PPP3CA: variants seen among roughly 807,000 people sequenced by gnomAD.
PPP3CA encodes CAM-PRP catalytic subunit.
Under a neutral mutation model 66.5 loss-of-function variants are expected in PPP3CA, and 14 were observed. The ratio of observed to expected loss-of-function variants is 0.21; its 90% CI spans 0.14 to 0.33. PPP3CA has a LOEUF of 0.33. Ranked by LOEUF, PPP3CA falls within the 10% of genes least tolerant of loss-of-function variation. The probability of loss-of-function intolerance (pLI) is 1.00; values close to 1 mark genes in which losing one functional copy is unlikely to be tolerated. For synonymous variants in PPP3CA, 232 were observed against 226.2 expected (o/e 1.03, Z -0.23); for missense variants, 317 against 639.5 (o/e 0.50, Z 5.44).
At chr4:101,331,069 G>A (rs569342671) in intron 1 of PPP3CA, among the ~76,000 whole-genome samples, 2 of 152,168 alleles carry the variant, frequency 1.3e-5, no homozygotes, top group South Asian at 4.1e-4. Flanking sequence ...ATGATTTCCA[G>A]GAGCAATGAT....
At chr4:101,154,526 T>C (rs1056014552) in intron 2 of PPP3CA, among the ~76,000 whole-genome samples, 1 of 152,204 alleles carries the variant, frequency 6.6e-6, no homozygotes, top group South Asian at 2.1e-4. Context: ...TTCCAACACA[T>C]CTAAAAATTA....
Position 101,106,437 on chromosome 4 carries a change from GAAA to G in PPP3CA, c.384+2514_384+2516del, listed in dbSNP as rs1560604935. On this transcript the variant is annotated intron_variant, in intron 3 of 13. Transcript: ENST00000394854. ...AGAAAGAAAGAAAGAAAGAAAGAAA[GAAA>G]GAAAGAAAGAAAGAGAAAAGAAAAG... is the stretch of plus-strand genomic sequence containing the variant. Among the ~76,000 whole-genome samples, 54 of 12,144 alleles carry G rather than the reference GAAA, an allele frequency of 4.4e-3. 8 individuals carry two copies. Among genetic ancestry groups the G allele is most frequent in the African/African-American group, 0.014 (54 of 3,776 alleles). 8.0% of individuals were successfully genotyped at this position (12,144 alleles called of 152,430 possible). A position where few individuals can be genotyped will look rare whatever the true frequency, so the allele number is the denominator to read the frequency against.
chr4:101,116,462 GAGAA>G (rs1721840329), intron 2 of PPP3CA, among the ~76,000 whole-genome samples: 1 of 151,840 alleles, frequency 6.6e-6, no homozygotes, highest in South Asian at 2.1e-4. Flanking sequence ...CAATTTTGCA[GAGAA>G]AGATTTTGTT....
intron 1 of PPP3CA, among the ~76,000 whole-genome samples, chr4:101,285,506 C>T (rs1727813185): frequency 6.6e-6 from 1 of 151,898 alleles, no homozygotes; most frequent in African/African-American, 2.4e-5. Flanking sequence ...TTGCACAAGC[C>T]GGTGTCCCAC....
chr4:101,093,077 C>T lies in PPP3CA; in HGVS notation c.782+699G>A, dbSNP rs372875674. Among the ~76,000 whole-genome samples the T allele has an allele frequency of 3.9e-5, 6 of 152,134 alleles. No homozygotes were observed. The East Asian group carries it at 5.8e-4, about 15-fold the overall frequency. The stretch of plus-strand genomic sequence containing the variant: ...AACTAATTTACACTCCCACCAACAG[C>T]GTAAAAGCGTTCCTATTTCTCCACA... On this transcript the variant is annotated intron_variant, in intron 6 of 13. Coordinates refer to ENST00000394854, the MANE Select transcript of PPP3CA (RefSeq NM_000944.5).
chr4:101,160,969 C>T (rs1438171010), intron 2 of PPP3CA, among the ~76,000 whole-genome samples: 2 of 152,040 alleles, frequency 1.3e-5, no homozygotes, highest in Admixed American at 6.6e-5. Context: ...AATACAGTCA[C>T]GTACTGCATA....
chr4:101,322,877 G>A (rs1452534167), intron 1 of PPP3CA, among the ~76,000 whole-genome samples: 1 of 152,026 alleles, frequency 6.6e-6, no homozygotes, highest in Admixed American at 6.5e-5. Context: ...TCACAATTTT[G>A]AAGAGACATA....
intron 6 of PPP3CA, among the ~76,000 whole-genome samples, chr4:101,090,641 C>CAA (rs1218660976): frequency 2.1e-3 from 140 of 65,436 alleles, no homozygotes; most frequent in East Asian, 3.4e-3. Flanking sequence ...GACTCTGTCT[C>CAA]AAAAAAAAAA....
chr4:101,142,133 G>A (rs1016315875), intron 2 of PPP3CA, among the ~76,000 whole-genome samples: 3 of 151,464 alleles, frequency 2.0e-5, no homozygotes, highest in African/African-American at 7.3e-5. Flanking sequence ...TACAATTAAA[G>A]ACACCAACCA....
chr4:101,245,938 T>G (rs1173862508), intron 1 of PPP3CA, among the ~76,000 whole-genome samples: 1 of 152,118 alleles, frequency 6.6e-6, no homozygotes, highest in East Asian at 1.9e-4. Context: ...CTCCTTCCTA[T>G]TAACCCATTG....
At chr4:101,088,225 T>C (rs1468746927) in intron 6 of PPP3CA, among the ~76,000 whole-genome samples, 2 of 152,174 alleles carry the variant, frequency 1.3e-5, no homozygotes, top group African/African-American at 4.8e-5. Context: ...CTTGTCTGTT[T>C]CTGCTTTGTG....
At chr4:101,236,945 T>C (rs1726150702) in intron 1 of PPP3CA, among the ~76,000 whole-genome samples, 1 of 151,312 alleles carries the variant, frequency 6.6e-6, no homozygotes, top group South Asian at 2.1e-4. Flanking sequence ...ATGGCGATAA[T>C]AGAGCATTTA....
At chr4:101,106,605 T>C (rs912691226) in intron 3 of PPP3CA, among the ~76,000 whole-genome samples, 1 of 152,102 alleles carries the variant, frequency 6.6e-6, no homozygotes, top group African/African-American at 2.4e-5. Context: ...ACCACAGTCT[T>C]CCTTAATCCT....
chr4:101,221,416 T>C (rs1725620458), intron 1 of PPP3CA, among the ~76,000 whole-genome samples: 1 of 150,660 alleles, frequency 6.6e-6, no homozygotes, highest in African/African-American at 2.4e-5. Flanking sequence ...TCTGACATAT[T>C]CTAGGTCATA....
chr4:101,252,639 C>G (rs1158116213), intron 1 of PPP3CA, among the ~76,000 whole-genome samples: 1 of 152,112 alleles, frequency 6.6e-6, no homozygotes, highest in Non-Finnish European at 1.5e-5. Flanking sequence ...CTCTGAAGAC[C>G]ATATATTCAT....
intron 6 of PPP3CA, among the ~76,000 whole-genome samples, chr4:101,086,086 G>C (rs776585524): frequency 9.2e-5 from 14 of 151,856 alleles, no homozygotes; most frequent in Non-Finnish European, 2.1e-4. Flanking sequence ...GGAACATAAA[G>C]CATTATAAAA....
intron 10 of PPP3CA, among the ~76,000 whole-genome samples, chr4:101,057,220 A>AT (rs371015941): frequency 4.6e-4 from 69 of 151,340 alleles, no homozygotes; most frequent in Non-Finnish European, 7.8e-4. Flanking sequence ...ATGCCCACCT[A>AT]TTTTTTTTGT....
At chr4:101,029,869 A>C (rs189718011) in intron 12 of PPP3CA, among the ~76,000 whole-genome samples, 1 of 151,376 alleles carries the variant, frequency 6.6e-6, no homozygotes, top group African/African-American at 2.4e-5. Flanking sequence ...GAATGATATA[A>C]TCTGGACTTC....
intron 1 of PPP3CA, among the ~76,000 whole-genome samples, chr4:101,228,725 G>C (rs1725859726): frequency 6.6e-6 from 1 of 151,616 alleles, no homozygotes; most frequent in South Asian, 2.1e-4. Flanking sequence ...ATGGGGTAGG[G>C]ACAGGGAACC....
Sources: allele counts gnomAD v4.1 joint callset (sites outside exome capture counted in the v4.1 genomes callset), GRCh38; gene constraint gnomAD v4.1.1; transcripts MANE v1.5; gene names NCBI Gene and HGNC (gene_info 2026-07-23, HGNC 2026-07-21).